TRIQK: variants seen among roughly 807,000 people sequenced by gnomAD.
The protein encoded by TRIQK is triple QxxK/R motif-containing protein.
In TRIQK, 10 loss-of-function variants were observed where a neutral mutation model predicts 10.8. The observed-to-expected ratio is 0.92, with a 90% CI of 0.57 to 1.57. TRIQK has a LOEUF of 1.57. TRIQK is among the 40% of genes most tolerant of loss of function. TRIQK has a pLI of 0.00. For synonymous variants in TRIQK, 33 were observed against 33.7 expected (o/e 0.98, Z 0.07); for missense variants, 107 against 97.7 (o/e 1.09, Z -0.40).
intron 1 of TRIQK, among the ~76,000 whole-genome samples, chr8:93,005,212 C>G (rs1813255677): frequency 6.6e-6 from 1 of 152,168 alleles, no homozygotes. Context: ...CTGGAGAGGC[C>G]TCAGAAAACT....
At position 92,885,249 on chromosome 8, in the gene TRIQK, A is replaced by C; in HGVS notation, c.*1373T>G. 3.1e-6 allele frequency: 1 copy of C among 325,918 alleles called. No individual in the cohort carries two copies. The highest frequency in any genetic ancestry group is 2.6e-5 in the South Asian group (1 of 38,460). 20.2% of individuals were successfully genotyped at this position (325,918 alleles called of 1,614,324 possible). ...CACAGTCACAGTCGACTTTTTGCAAAAGTACCAGAGAATATCTTTTAGAAA... is the reference window on the plus strand; with the variant it reads ...CACAGTCACAGTCGACTTTTTGCAACAGTACCAGAGAATATCTTTTAGAAA... On this transcript the variant is annotated 3_prime_UTR_variant, in exon 5 of 5. Coordinates refer to ENST00000521988, the MANE Select transcript of TRIQK (RefSeq NM_001171797.2).
intron 1 of TRIQK, among the ~76,000 whole-genome samples, chr8:92,959,667 G>A (rs1040831088): frequency 1.3e-5 from 2 of 151,850 alleles, no homozygotes; most frequent in Non-Finnish European, 2.9e-5. Flanking sequence ...ATCTTAAATC[G>A]AAAATGCATT....
intron 4 of TRIQK, among the ~76,000 whole-genome samples, chr8:92,890,695 G>A (rs111773640): frequency 4.6e-5 from 7 of 151,856 alleles, no homozygotes; most frequent in African/African-American, 1.7e-4. Context: ...GCCACAAGAG[G>A]ATTTTGTTAC....
chr8:92,955,482 A>C (rs1380347445), intron 1 of TRIQK, among the ~76,000 whole-genome samples: 1 of 151,830 alleles, frequency 6.6e-6, no homozygotes, highest in Non-Finnish European at 1.5e-5. Context: ...TTTAAAGGAA[A>C]TCGTAGGAAT....
chr8:92,957,432 A>G (rs1402393916), intron 1 of TRIQK, among the ~76,000 whole-genome samples: 1 of 151,904 alleles, frequency 6.6e-6, no homozygotes, highest in Non-Finnish European at 1.5e-5. Flanking sequence ...AAAGATCTAC[A>G]TAAATATAAG....
At chr8:92,913,897 T>C (rs1484153010) in intron 3 of TRIQK, among the ~76,000 whole-genome samples, 1 of 152,068 alleles carries the variant, frequency 6.6e-6, no homozygotes, top group East Asian at 1.9e-4. Flanking sequence ...CATGTTCTCA[T>C]GCATAAGTGG....
intron 1 of TRIQK, among the ~76,000 whole-genome samples, chr8:92,955,720 C>T (rs142927026): frequency 1.2e-3 from 176 of 151,828 alleles, no homozygotes; most frequent in African/African-American, 3.9e-3. Context: ...ACTCTCACAA[C>T]TCAACATAAA....
chr8:92,910,187 A>G (rs1471862988), intron 3 of TRIQK, among the ~76,000 whole-genome samples: 1 of 151,416 alleles, frequency 6.6e-6, no homozygotes, highest in Non-Finnish European at 1.5e-5. Flanking sequence ...AGACTATTTA[A>G]ATTCTAGTAA....
At chr8:92,896,627 GC>G (rs983351455) in intron 3 of TRIQK, among the ~76,000 whole-genome samples, 5 of 152,120 alleles carry the variant, frequency 3.3e-5, no homozygotes, top group Admixed American at 2.6e-4. Flanking sequence ...CCCAATGCCT[GC>G]CCCAATGTGA....
At chr8:93,012,373 A>T (rs1191201790) in intron 1 of TRIQK, among the ~76,000 whole-genome samples, 1 of 152,204 alleles carries the variant, frequency 6.6e-6, no homozygotes, top group African/African-American at 2.4e-5. Context: ...TTCTGTCCAT[A>T]TGCCAAAATC....
At chr8:93,010,765 C>A (rs914123665) in intron 1 of TRIQK, among the ~76,000 whole-genome samples, 1 of 151,856 alleles carries the variant, frequency 6.6e-6, no homozygotes. Context: ...GCAAATACTG[C>A]AATAATTCAT....
At chr8:92,926,228 AAAAG>A (rs1810442444) in intron 2 of TRIQK, 1 of 152,200 alleles carries the variant, frequency 6.6e-6, no homozygotes, top group Non-Finnish European at 1.5e-5. Flanking sequence ...TATGCAGAGA[AAAAG>A]AAACCATGAT....
At chr8:92,944,021 A>C (rs1322522529) in intron 2 of TRIQK, among the ~76,000 whole-genome samples, 7 of 152,120 alleles carry the variant, frequency 4.6e-5, no homozygotes, top group Admixed American at 1.3e-4. Context: ...TACAAAAAAA[A>C]CCCCAAATAA....
At chr8:92,912,633 C>T (rs1051817621) in intron 3 of TRIQK, among the ~76,000 whole-genome samples, 1 of 151,688 alleles carries the variant, frequency 6.6e-6, no homozygotes, top group Non-Finnish European at 1.5e-5. Flanking sequence ...ACTCATCACA[C>T]ACGAAATAGC....
At chr8:92,935,343 T>C (rs1328056138) in intron 2 of TRIQK, among the ~76,000 whole-genome samples, 1 of 151,798 alleles carries the variant, frequency 6.6e-6, no homozygotes, top group Non-Finnish European at 1.5e-5. Flanking sequence ...TTAGAAATTA[T>C]TGCTAAAATA....
intron 1 of TRIQK, among the ~76,000 whole-genome samples, chr8:92,956,593 CA>C (rs1812184563): frequency 6.6e-6 from 1 of 151,766 alleles, no homozygotes; most frequent in African/African-American, 2.4e-5. Context: ...TACAACTCTA[CA>C]GTCCTTATCT....
intron 4 of TRIQK, among the ~76,000 whole-genome samples, chr8:92,887,361 T>C (rs1208759446): frequency 6.6e-6 from 1 of 151,538 alleles, no homozygotes. Context: ...AATACATTTA[T>C]CACAGTTTTG....
chr8:92,978,257 G>T (rs1044849628), intron 1 of TRIQK, among the ~76,000 whole-genome samples: 6 of 152,024 alleles, frequency 3.9e-5, no homozygotes, highest in African/African-American at 1.4e-4. Context: ...CATGTGCTGT[G>T]GCCTGGAAAC....
In TRIQK at chr8:92,931,772, C is replaced by T. The variant is rs574484694; in HGVS notation, c.-21-14762G>A. Among the ~76,000 whole-genome samples the T allele has an allele frequency of 3.3e-5, 5 of 152,204 alleles. No individual in the cohort carries two copies. The East Asian group carries it at 5.8e-4, about 18-fold the overall frequency. ...GCCCCATTCATTACAGCAAGATAAA[C>T]TTAAACCAGGACCATCCAGGACAGC... is the stretch of plus-strand genomic sequence containing the variant. On this transcript the variant is annotated intron_variant, in intron 2 of 4. Transcript: ENST00000521988.
Sources: allele counts gnomAD v4.1 joint callset (sites outside exome capture counted in the v4.1 genomes callset), GRCh38; gene constraint gnomAD v4.1.1; transcripts MANE v1.5; gene names NCBI Gene and HGNC (gene_info 2026-07-23, HGNC 2026-07-21).